KCNH1: variants seen among roughly 807,000 people sequenced by gnomAD.
The protein encoded by KCNH1 is potassium voltage-gated channel subfamily H member 1, also known as voltage-gated delayed rectifier potassium channel KCNH1.
Under a neutral mutation model 69.2 loss-of-function variants are expected in KCNH1, and 27 were observed. The observed-to-expected ratio is 0.39, with a 90% CI of 0.29 to 0.54. The LOEUF (loss-of-function observed/expected upper bound fraction) is 0.54, where lower values mean the gene tolerates loss of function less well. Among genes scored for constraint, KCNH1 ranks in the 20% least tolerant of loss-of-function variants. The probability of loss-of-function intolerance (pLI) is 0.68; values close to 1 mark genes in which losing one functional copy is unlikely to be tolerated. For missense variants in KCNH1, 798 were observed against 1,261.6 expected (o/e 0.63, Z 5.57); for synonymous variants, 456 against 487.7 (o/e 0.93, Z 0.86).
At chr1:210,909,631 T>C (rs1687186389) in intron 7 of KCNH1, among the ~76,000 whole-genome samples, 1 of 152,266 alleles carries the variant, frequency 6.6e-6, no homozygotes, top group Non-Finnish European at 1.5e-5. Flanking sequence ...TTGTCTCCTT[T>C]TGATCCCAGG....
chr1:210,889,340 G>A (rs569216406), intron 7 of KCNH1, among the ~76,000 whole-genome samples: 23 of 152,198 alleles, frequency 1.5e-4, no homozygotes, highest in African/African-American at 3.9e-4. Context: ...AAAGGCCTTC[G>A]ATAAGATTCA....
At chr1:210,963,333 A>G (rs1003719948) in intron 6 of KCNH1, among the ~76,000 whole-genome samples, 1 of 152,080 alleles carries the variant, frequency 6.6e-6, no homozygotes, top group Non-Finnish European at 1.5e-5. Context: ...ATGGGGAGAA[A>G]TCAGTGCAAA....
At chr1:210,917,804 G>A (rs911918297) in intron 7 of KCNH1, among the ~76,000 whole-genome samples, 3 of 152,186 alleles carry the variant, frequency 2.0e-5, no homozygotes, top group Admixed American at 1.3e-4. Flanking sequence ...AGTAAGCACT[G>A]CCTAGGAAAT....
intron 4 of KCNH1, among the ~76,000 whole-genome samples, chr1:211,089,579 T>A (rs114083550): frequency 4.3e-4 from 66 of 152,314 alleles, no homozygotes; most frequent in Admixed American, 9.8e-4. Flanking sequence ...TAATGCTTTT[T>A]ATTTCCTCCT....
intron 7 of KCNH1, among the ~76,000 whole-genome samples, chr1:210,857,861 T>G (rs1264410062): frequency 1.3e-5 from 2 of 152,204 alleles, no homozygotes; most frequent in Non-Finnish European, 2.9e-5. Context: ...TTTGCTGGCT[T>G]GTTTTTGCAG....
chr1:210,796,666 A>T (rs765384483), intron 9 of KCNH1, among the ~76,000 whole-genome samples: 1 of 152,070 alleles, frequency 6.6e-6, no homozygotes, highest in Non-Finnish European at 1.5e-5. Flanking sequence ...CTTCCCCGCC[A>T]CAGCAAATCT....
chr1:210,876,619 T>C (rs1164682544), intron 7 of KCNH1, among the ~76,000 whole-genome samples: 1 of 152,184 alleles, frequency 6.6e-6, no homozygotes, highest in Non-Finnish European at 1.5e-5. Context: ...GAGGTTCTTC[T>C]ATCTCTGTGG....
In KCNH1 at chr1:210,693,933, G is replaced by C. The variant is rs527931183; in HGVS notation, c.2113-9795C>G. 2.6e-5 allele frequency among the ~76,000 whole-genome samples: 4 copies of C among 152,298 alleles called. No homozygotes were observed. In the South Asian group the frequency reaches 8.3e-4, roughly 32 times the overall value. On this transcript the variant is annotated intron_variant, in intron 10 of 10. Coordinates refer to ENST00000271751, the MANE Select transcript of KCNH1 (RefSeq NM_172362.3). ...AGATGGAAGCATGTGCAAACCACAA[G>C]CCTTCCCTTAGCCCTTCCAGAGGCA...
At chr1:210,881,865 C>T (rs2102509355) in intron 7 of KCNH1, among the ~76,000 whole-genome samples, 1 of 152,222 alleles carries the variant, frequency 6.6e-6, no homozygotes, top group Middle Eastern at 3.4e-3. Flanking sequence ...TCAAATGTTT[C>T]CTGGAGTTAG....
chr1:211,107,901 C>CATGGA (rs1691387481), intron 1 of KCNH1, among the ~76,000 whole-genome samples: 1 of 152,214 alleles, frequency 6.6e-6, no homozygotes, highest in Non-Finnish European at 1.5e-5. Flanking sequence ...CATGGACACA[C>CATGGA]ACAGCACCAT....
chr1:210,718,014 C>G, intron 10 of KCNH1, among the ~76,000 whole-genome samples: 1 of 151,422 alleles, frequency 6.6e-6, no homozygotes. Context: ...GGCGGAGGCC[C>G]GGGAATTGCT....
intron 7 of KCNH1, among the ~76,000 whole-genome samples, chr1:210,904,707 G>A (rs1210887841): frequency 1.3e-5 from 2 of 152,118 alleles, no homozygotes; most frequent in Admixed American, 6.6e-5. Flanking sequence ...AGAGGAAGAG[G>A]AATGGAGTAA....
intron 5 of KCNH1, among the ~76,000 whole-genome samples, chr1:211,069,533 A>G (rs1690596910): frequency 1.3e-5 from 2 of 152,230 alleles, no homozygotes; most frequent in South Asian, 2.1e-4. Flanking sequence ...AACAGATAGA[A>G]CTCTAAGAAC....
intron 4 of KCNH1, among the ~76,000 whole-genome samples, chr1:211,084,878 C>T (rs1215074832): frequency 2.0e-5 from 3 of 152,126 alleles, no homozygotes; most frequent in Non-Finnish European, 4.4e-5. Context: ...GTACTAGATA[C>T]TAGAGATACT....
At chr1:210,949,832 C>G (rs1237005602) in intron 6 of KCNH1, among the ~76,000 whole-genome samples, 1 of 152,230 alleles carries the variant, frequency 6.6e-6, no homozygotes, top group Non-Finnish European at 1.5e-5. Flanking sequence ...CCGCTCACTC[C>G]AATTCCAGGC....
chr1:210,960,777 G>C (rs1327955333), intron 6 of KCNH1, among the ~76,000 whole-genome samples: 2 of 152,138 alleles, frequency 1.3e-5, no homozygotes, highest in Non-Finnish European at 2.9e-5. Flanking sequence ...TAAAAGTCAA[G>C]TAGCAGGGTC....
intron 10 of KCNH1, among the ~76,000 whole-genome samples, chr1:210,727,941 G>A (rs1224662764): frequency 6.6e-6 from 1 of 152,204 alleles, no homozygotes; most frequent in African/African-American, 2.4e-5. Flanking sequence ...CAAAGCAACT[G>A]TGAATGAACC....
chr1:211,109,823 A>G (rs1321128242), intron 1 of KCNH1, among the ~76,000 whole-genome samples: 1 of 152,138 alleles, frequency 6.6e-6, no homozygotes, highest in African/African-American at 2.4e-5. Context: ...AACTTTAAAA[A>G]AAAAATCTAA....
chr1:210,774,906 T>TAA (rs573087061), intron 10 of KCNH1, among the ~76,000 whole-genome samples: 1 of 152,184 alleles, frequency 6.6e-6, no homozygotes, highest in Non-Finnish European at 1.5e-5. Flanking sequence ...TCATATCTGT[T>TAA]AAAAAATTAC....
Sources: gnomAD v4.1 joint callset for allele counts (sites outside exome capture counted in the v4.1 genomes callset) on GRCh38, gnomAD v4.1.1 for gene constraint, MANE v1.5 for transcripts, NCBI Gene and HGNC (gene_info 2026-07-23, HGNC 2026-07-21) for gene names.